The following GALC variants were observed in gnomAD, a reference collection of about 807,000 sequenced individuals.
GALC encodes galactocerebrosidase.
In GALC, 77 loss-of-function variants were observed where a neutral mutation model predicts 91.8. The observed-to-expected ratio is 0.84, with a 90% CI of 0.70 to 1.01. GALC has a LOEUF of 1.01. GALC is among the 50% of genes least tolerant of loss of function. The pLI is 0.00. For missense variants in GALC, 882 were observed against 855.9 expected, an observed-to-expected ratio of 1.03 and a Z score of -0.38; for synonymous variants, 357 against 306.7, an observed-to-expected ratio of 1.16 and a Z score of -1.71.
intron 6 of GALC, 32 bp downstream of exon 6, chr14:87,982,173 T>C (rs764446964): frequency 6.2e-6 from 8 of 1,292,334 alleles, no homozygotes. Flanking sequence ...ACTAAAAAGT[T>C]AAAAACAAAA....
intron 13 of GALC, among the ~76,000 whole-genome samples, chr14:87,946,997 C>A (rs968465993): frequency 2.0e-5 from 3 of 151,966 alleles, no homozygotes; most frequent in African/African-American, 7.2e-5. Flanking sequence ...ACAGGAGCTT[C>A]AAGTGATGCT....
rs17198 is a variant in GALC at position 87,933,144 on chromosome 14, A to C, written c.*1588T>G. 0.46 allele frequency: 69,900 copies of C among 152,014 alleles called. 17,740 individuals are homozygous for C. Among genetic ancestry groups the C allele is most frequent in the East Asian group, 0.75 (3,862 of 5,146 alleles). The allele number at this position is 152,014 out of a possible 1,614,324, so 9.4% of individuals were successfully genotyped here. ...AACCACTGAATCACACAACATGGAC[A>C]AATCTCAAATCATTATGCTGATGGA... On this transcript the variant is annotated 3_prime_UTR_variant, in exon 17 of 17. Transcript: ENST00000261304.
At position 87,934,362 on chromosome 14, in the gene GALC, G is replaced by A; in HGVS notation, c.*370C>T. 1.6e-6 allele frequency: 2 copies of A among 1,267,936 alleles called. No individual in the cohort carries two copies. Among genetic ancestry groups the A allele is most frequent in the Non-Finnish European group, 2.0e-6 (2 of 998,306 alleles). The allele number at this position is 1,267,936 out of a possible 1,614,324, so 78.5% of individuals were successfully genotyped here. ...GGTCAGCATGCATAAATACATCTCA[G>A]TGATGATCAAGTTACTGCCATCTAC... is the stretch of plus-strand genomic sequence containing the variant. On this transcript the variant is annotated 3_prime_UTR_variant, in exon 17 of 17. Coordinates refer to ENST00000261304, the MANE Select transcript of GALC (RefSeq NM_000153.4).
At chr14:87,965,672 T>G (rs1377414047) in intron 8 of GALC, 43 bp from the exon 9 acceptor site, 8 of 1,606,624 alleles carry the variant, frequency 5.0e-6, no homozygotes, top group Non-Finnish European at 6.8e-6. Flanking sequence ...CAACTTGTGA[T>G]AAAAATGTAA....
At chr14:87,968,619 C>A in intron 7 of GALC, 129 bp from the exon 8 acceptor site, 1 of 858,678 alleles carries the variant, frequency 1.2e-6, no homozygotes, top group Non-Finnish European at 1.9e-6. Flanking sequence ...AGTTGGGTAG[C>A]TTCCAGGTAG....
At chr14:87,980,301 A>G (rs147123955) in intron 6 of GALC, among the ~76,000 whole-genome samples, 17,059 of 151,578 alleles carry the variant, frequency 0.11, 1,113 homozygotes, top group Non-Finnish European at 0.16. Context: ...AGAATTGCTT[A>G]AATCCGGGAG....
At chr14:87,953,365 C>A in intron 10 of GALC, 3 of 1,417,976 alleles carry the variant, frequency 2.1e-6, no homozygotes, top group Non-Finnish European at 3.0e-6. Flanking sequence ...GAATTCCATT[C>A]AACTTGATGA....
chr14:87,947,866 C>T lies in GALC; in HGVS notation c.1351G>A (p.Asp451Asn), dbSNP rs557778528. The T allele has an allele frequency of 1.4e-5, 22 of 1,612,180 alleles. No homozygotes were observed. Among genetic ancestry groups the T allele is most frequent in the South Asian group, 2.2e-5 (2 of 91,060 alleles). The change falls in exon 13 of 17, where the codon GAT becomes AAT. Residue 451 changes from aspartate (D) to asparagine (N), a missense_variant. By Grantham distance (23) the Asp-to-Asn change is conservative (BLOSUM62 1). Coordinates refer to ENST00000261304, the MANE Select transcript of GALC (RefSeq NM_000153.4). Reference protein sequence around the residue: ...QLDSLWLLDSDGSFTLSLHED... With the variant: ...QLDSLWLLDSNGSFTLSLHED... ...TGCAGGCTCAGTGTGAAACTGCCAT[C>T]GCTGTCAAGGAGCTGAAAAAGAAGA...
At chr14:87,992,552 G>A (rs1887249171) in intron 1 of GALC, 14 of 1,512,244 alleles carry the variant, frequency 9.3e-6, no homozygotes, top group Non-Finnish European at 1.2e-5. Context: ...TCCCACTGGG[G>A]CGTTCTCTTT....
At chr14:87,985,965 AAACT>A (rs1886951393) in intron 4 of GALC, among the ~76,000 whole-genome samples, 1 of 152,200 alleles carries the variant, frequency 6.6e-6, no homozygotes, top group Admixed American at 6.5e-5. Context: ...TGAAGTTCAA[AAACT>A]AACTAATAAA....
intron 12 of GALC, among the ~76,000 whole-genome samples, chr14:87,948,399 C>T (rs1885162836): frequency 6.6e-6 from 1 of 151,992 alleles, no homozygotes; most frequent in South Asian, 2.1e-4. Context: ...ATCTTGGCAA[C>T]TTAATCTCTT....
rs550351293 is a variant in GALC, at chr14:87,934,813, T to C, written c.1977A>G (p.Pro659=). 6.2e-7 allele frequency: 1 copy of C among 1,613,170 alleles called. No homozygotes were observed. Among genetic ancestry groups the C allele is most frequent in the African/African-American group, 1.3e-5 (1 of 74,984 alleles). The change falls in exon 17 of 17, where the codon CCA becomes CCG. Residue 659 remains proline (P), a synonymous_variant. Transcript: ENST00000261304. ...TTCCAATTGCAGCCCAGCCATTCTT[T>C]GGAAAATTCACAGGGATGTCTGTCC... The part of the protein sequence containing the change: ...SLWTDIPVNF[P]KNGWAAIGTH...
chr14:87,961,659 A>G (rs192939430), intron 10 of GALC, among the ~76,000 whole-genome samples: 290 of 152,294 alleles, frequency 1.9e-3, no homozygotes, highest in African/African-American at 6.9e-3. Flanking sequence ...GCAGGTCATA[A>G]GACCCTCACT....
intron 1 of GALC, chr14:87,992,767 G>A (rs2139768412): frequency 7.1e-7 from 1 of 1,416,306 alleles, no homozygotes; most frequent in East Asian, 2.6e-5. Flanking sequence ...CTAACTGCCT[G>A]TCTGGTTCGT....
intron 10 of GALC, chr14:87,952,924 T>C (rs1340531567): frequency 4.4e-6 from 4 of 911,210 alleles, no homozygotes; most frequent in African/African-American, 3.3e-5. Context: ...GAAAATAAAA[T>C]TATAGATGAA....
chr14:87,970,300 T>C (rs1003494680), intron 7 of GALC, among the ~76,000 whole-genome samples: 6 of 152,184 alleles, frequency 3.9e-5, no homozygotes, highest in Non-Finnish European at 7.4e-5. Flanking sequence ...TATGCTAGCA[T>C]GTTACCAATA....
chr14:87,965,882 T>G (rs1271362527), intron 8 of GALC, among the ~76,000 whole-genome samples: 2 of 152,172 alleles, frequency 1.3e-5, no homozygotes, highest in African/African-American at 4.8e-5. Flanking sequence ...TGTGCAAATT[T>G]TTACTGAACT....
Position 87,993,004 on chromosome 14 carries a change from T to C in GALC, c.161A>G (p.Glu54Gly). ...VLDDSDGLGR[E>G]FDGIGAVSGG... ...GCTGACCGCGCCGATGCCGTCGAACTCCCGGCCCAGCCCGTCGGAGTCGTC... is the reference window on the plus strand; with the variant it reads ...GCTGACCGCGCCGATGCCGTCGAACCCCCGGCCCAGCCCGTCGGAGTCGTC... The change falls in exon 1 of 17, where the codon GAG (glutamate) becomes GGG (glycine). Residue 54 changes from glutamate to glycine, a missense_variant. Coordinates refer to ENST00000261304, the MANE Select transcript of GALC (RefSeq NM_000153.4). The C allele has an allele frequency of 6.5e-7, 1 of 1,538,798 alleles. No homozygotes were observed. Among genetic ancestry groups the C allele is most frequent in the Non-Finnish European group, 8.7e-7 (1 of 1,150,522 alleles).
chr14:87,976,189 T>G (rs982264874), intron 7 of GALC, among the ~76,000 whole-genome samples, 169 bp downstream of exon 7: 3 of 152,168 alleles, frequency 2.0e-5, no homozygotes, highest in Non-Finnish European at 4.4e-5. Context: ...CTAAAATATA[T>G]TTAAAAGAGA....
Sources: gnomAD v4.1 joint callset for allele counts (sites outside exome capture counted in the v4.1 genomes callset) on GRCh38, gnomAD v4.1.1 for gene constraint, MANE v1.5 for transcripts, NCBI Gene and HGNC (gene_info 2026-07-23, HGNC 2026-07-21) for gene names.